The following UVRAG variants were observed in gnomAD, a reference collection of about 807,000 sequenced individuals.
UVRAG encodes UV radiation resistance associated.
In UVRAG, 19 loss-of-function variants were observed where a neutral mutation model predicts 78.0. That is an observed-to-expected ratio of 0.24 (90% CI 0.17 to 0.36). UVRAG has a LOEUF of 0.36. Among genes scored for constraint, UVRAG ranks in the 10% least tolerant of loss-of-function variants. The pLI is 1.00. For synonymous variants in UVRAG, 323 were observed against 324.6 expected, an observed-to-expected ratio of 1.00 and a Z score of 0.05; for missense variants, 740 against 853.8, an observed-to-expected ratio of 0.87 and a Z score of 1.66.
chr11:75,923,683 A>G (rs1194910197), intron 6 of UVRAG, among the ~76,000 whole-genome samples: 3 of 152,086 alleles, frequency 2.0e-5, no homozygotes, highest in Non-Finnish European at 4.4e-5. Flanking sequence ...TCTTCTTTCA[A>G]TCCCTTTAGT....
At chr11:75,900,242 T>C (rs797016465) in intron 5 of UVRAG, among the ~76,000 whole-genome samples, 6 of 152,336 alleles carry the variant, frequency 3.9e-5, no homozygotes, top group African/African-American at 1.2e-4. Context: ...AATTTTGTTT[T>C]GTTTAATATT....
At chr11:76,054,097 GCACTTCACCCCTCA>G (rs1307855186) in intron 12 of UVRAG, among the ~76,000 whole-genome samples, 1 of 151,978 alleles carries the variant, frequency 6.6e-6, no homozygotes, top group Non-Finnish European at 1.5e-5. Flanking sequence ...TAATCTTACG[GCACTTCACCCCTCA>G]CACTCTTTTT....
At chr11:75,856,683 C>T (rs1374681339) in intron 2 of UVRAG, among the ~76,000 whole-genome samples, 1 of 152,094 alleles carries the variant, frequency 6.6e-6, no homozygotes, top group Non-Finnish European at 1.5e-5. Flanking sequence ...TGGGTTCAAG[C>T]AATCCACCTG....
chr11:75,841,295 AACTGTG>A (rs1490169952), intron 1 of UVRAG, among the ~76,000 whole-genome samples: 1 of 152,220 alleles, frequency 6.6e-6, no homozygotes, highest in African/African-American at 2.4e-5. Flanking sequence ...GGGGTCAGCA[AACTGTG>A]ACTAACTGGC....
Position 75,891,928 on chromosome 11 carries a change from G to A in UVRAG, c.507+3025G>A, listed in dbSNP as rs540383111. On this transcript the variant is annotated intron_variant, in intron 5 of 14. Transcript: ENST00000356136. ...CTCAGGGAGGGGAAAGAAAAAAAAA[G>A]GATAGGTGATAGATAAATGTAGATC... is the stretch of plus-strand genomic sequence containing the variant. Among the ~76,000 whole-genome samples the A allele has an allele frequency of 1.9e-4, 29 of 152,100 alleles. No homozygotes were observed. The South Asian group carries it at 2.1e-3, about 11-fold the overall frequency.
At chr11:75,828,566 C>T (rs1476372459) in intron 1 of UVRAG, among the ~76,000 whole-genome samples, 1 of 151,134 alleles carries the variant, frequency 6.6e-6, no homozygotes, top group African/African-American at 2.4e-5. Flanking sequence ...CAATCTTGAC[C>T]TCCCTGGGCT....
chr11:75,861,856 A>G, intron 3 of UVRAG, 76 bp downstream of exon 3: 1 of 1,271,270 alleles, frequency 7.9e-7, no homozygotes, highest in Non-Finnish European at 1.1e-6. Flanking sequence ...ATGTAAAATA[A>G]GTTGAGGTTC....
intron 7 of UVRAG, among the ~76,000 whole-genome samples, chr11:75,975,573 G>T (rs890910775): frequency 6.6e-6 from 1 of 152,118 alleles, no homozygotes; most frequent in Non-Finnish European, 1.5e-5. Flanking sequence ...CCTTAAAGAG[G>T]TCCTTCACAT....
chr11:76,013,959 G>A (rs921748753), intron 11 of UVRAG, among the ~76,000 whole-genome samples: 2 of 152,220 alleles, frequency 1.3e-5, no homozygotes, highest in Admixed American at 1.3e-4. Flanking sequence ...TTTTTAATAG[G>A]TGGAGTGGGA....
intron 14 of UVRAG, among the ~76,000 whole-genome samples, chr11:76,139,530 G>A (rs1335298092): frequency 6.6e-6 from 1 of 152,076 alleles, no homozygotes. Flanking sequence ...CCTTCTGCAA[G>A]CCACTTAACC....
chr11:75,913,733 G>T (rs1166898896), intron 6 of UVRAG, among the ~76,000 whole-genome samples: 1 of 152,158 alleles, frequency 6.6e-6, no homozygotes, highest in Non-Finnish European at 1.5e-5. Flanking sequence ...TGTTTTTGTA[G>T]ATCCTTTTAA....
At chr11:75,836,177 T>C (rs1163077689) in intron 1 of UVRAG, among the ~76,000 whole-genome samples, 1 of 152,088 alleles carries the variant, frequency 6.6e-6, no homozygotes, top group African/African-American at 2.4e-5. Context: ...GAAGGTCATC[T>C]AAGCCTTTGC....
intron 5 of UVRAG, among the ~76,000 whole-genome samples, chr11:75,890,622 T>C (rs989153058): frequency 1.3e-5 from 2 of 152,156 alleles, no homozygotes; most frequent in Admixed American, 6.5e-5. Flanking sequence ...GAGACATTCA[T>C]GTGTAGATGG....
chr11:75,941,448 T>C (rs1948482762), intron 6 of UVRAG, among the ~76,000 whole-genome samples: 2 of 152,202 alleles, frequency 1.3e-5, no homozygotes, highest in South Asian at 4.1e-4. Flanking sequence ...TGCTTGGGAC[T>C]AGAAGTTTCT....
chr11:76,037,934 G>A (rs1031662233), intron 12 of UVRAG, among the ~76,000 whole-genome samples: 9 of 151,758 alleles, frequency 5.9e-5, no homozygotes, highest in East Asian at 1.9e-4. Flanking sequence ...AACCAGCCAC[G>A]GATAGAAAAT....
chr11:76,031,985 GTTCTT>G (rs1950446053), intron 12 of UVRAG, among the ~76,000 whole-genome samples: 1 of 152,110 alleles, frequency 6.6e-6, no homozygotes, highest in Non-Finnish European at 1.5e-5. Flanking sequence ...AAGTAGCTCT[GTTCTT>G]TTCTTTAATT....
chr11:75,911,695 C>T, intron 5 of UVRAG: 1 of 290,050 alleles, frequency 3.4e-6, no homozygotes, highest in South Asian at 5.5e-5. Flanking sequence ...GAGGGAAGGC[C>T]GCGGGACTCA....
chr11:76,067,525 G>A, intron 13 of UVRAG, among the ~76,000 whole-genome samples: 1 of 152,188 alleles, frequency 6.6e-6, no homozygotes, highest in Non-Finnish European at 1.5e-5. Flanking sequence ...GGGAGGCCGA[G>A]ATGGGTGGAT....
intron 14 of UVRAG, among the ~76,000 whole-genome samples, chr11:76,124,628 C>A (rs1169058453): frequency 6.6e-6 from 1 of 152,250 alleles, no homozygotes; most frequent in African/African-American, 2.4e-5. Flanking sequence ...TAGAATATTT[C>A]TCCAGAGTAC....
Sources: gnomAD v4.1 joint callset for allele counts (sites outside exome capture counted in the v4.1 genomes callset) on GRCh38, gnomAD v4.1.1 for gene constraint, MANE v1.5 for transcripts, NCBI Gene and HGNC (gene_info 2026-07-23, HGNC 2026-07-21) for gene names.